Variants in PHKA1 observed in about 807,000 individuals in gnomAD.
PHKA1 encodes phosphorylase kinase regulatory subunit alpha 1, also known as phosphorylase b kinase regulatory subunit alpha, skeletal muscle isoform.
In PHKA1, 60 loss-of-function variants were observed where a neutral mutation model predicts 110.2. The observed-to-expected ratio is 0.54, with a 90% CI of 0.44 to 0.68. PHKA1 has a LOEUF of 0.68. Ranked by LOEUF, PHKA1 falls within the 30% of genes least tolerant of loss-of-function variation. The pLI is 0.00. For synonymous variants in PHKA1, 316 were observed against 333.6 expected, an observed-to-expected ratio of 0.95 and a Z score of 0.58; for missense variants, 801 against 942.5, an observed-to-expected ratio of 0.85 and a Z score of 1.97.
intron 8 of PHKA1, among the ~76,000 whole-genome samples, chrX:72,664,549 C>T (rs59006689): frequency 0.089 from 9,885 of 110,663 alleles, 986 homozygotes; most frequent in East Asian, 0.67. Flanking sequence ...AAAGAAATAC[C>T]AGATTTAAAC....
chrX:72,714,155 C>A lies in PHKA1; in HGVS notation c.-275G>T. 1 of 373,709 alleles carries A rather than the reference C, an allele frequency of 2.7e-6. No individual in the cohort carries two copies. The highest frequency in any genetic ancestry group is 3.7e-5 in the South Asian group (1 of 26,965). The allele number at this position is 373,709 out of a possible 1,213,427, so 30.8% of individuals were successfully genotyped here. On this transcript the variant is annotated 5_prime_UTR_variant, in exon 1 of 32. Coordinates refer to ENST00000373542, the MANE Select transcript of PHKA1 (RefSeq NM_002637.4). The stretch of plus-strand genomic sequence containing the variant: ...CAGCGCCCCAGGCGCCGCTCCTGCC[C>A]CCTTAGTCCAGTCCGGCCTCCGCGT...
intron 28 of PHKA1, among the ~76,000 whole-genome samples, chrX:72,597,848 G>A (rs782449327): frequency 9.0e-6 from 1 of 111,029 alleles, no homozygotes; most frequent in East Asian, 2.8e-4. Context: ...GGGTGATCTT[G>A]GGGATCCCTC....
intron 18 of PHKA1, chrX:72,621,604 G>A (rs1556277877): frequency 7.3e-6 from 1 of 136,341 alleles, no homozygotes; most frequent in African/African-American, 3.2e-5. Flanking sequence ...CGATACCAAA[G>A]TCTGCTGTAT....
intron 6 of PHKA1, among the ~76,000 whole-genome samples, chrX:72,671,246 T>C (rs2053692162): frequency 8.9e-6 from 1 of 111,794 alleles, no homozygotes; most frequent in South Asian, 3.8e-4. Context: ...AGTCTCAGGA[T>C]AGAAAATCAA....
intron 14 of PHKA1, among the ~76,000 whole-genome samples, chrX:72,641,013 CAT>C (rs1365449879): frequency 9.0e-6 from 1 of 110,631 alleles, no homozygotes; most frequent in East Asian, 2.8e-4. Flanking sequence ...ATTGTAGACA[CAT>C]AGTTTCAAAA....
chrX:72,682,239 G>A (rs2053900605), intron 5 of PHKA1, among the ~76,000 whole-genome samples: 1 of 91,740 alleles, frequency 1.1e-5, no homozygotes, highest in Admixed American at 1.1e-4. Flanking sequence ...GAGGGAGGTT[G>A]GGGGGTCAGC....
chrX:72,676,797 T>C (rs1338097800), intron 5 of PHKA1, among the ~76,000 whole-genome samples: 2 of 112,126 alleles, frequency 1.8e-5, no homozygotes, highest in East Asian at 5.6e-4. Flanking sequence ...ACTTTTTATT[T>C]TGGAATAACT....
chrX:72,585,591 G>A (rs1337735054), intron 29 of PHKA1, among the ~76,000 whole-genome samples: 1 of 111,746 alleles, frequency 8.9e-6, no homozygotes, highest in Non-Finnish European at 1.9e-5. Flanking sequence ...TGCAGCCCAC[G>A]GAGGGCAAGC....
chrX:72,712,906 T>C lies in PHKA1; in HGVS notation c.110A>G (p.Tyr37Cys), dbSNP rs2054404615. Residue 37 changes from tyrosine (Y) to cysteine (C), a missense_variant, in exon 2 of 32, where the codon TAT becomes TGT. By Grantham distance (194) the Tyr-to-Cys change is radical. Around this residue, in one of 2 missense-constraint regions of PHKA1, gnomAD observed 299 missense variants for 423.3 expected, o/e 0.71. Coordinates refer to ENST00000373542, the MANE Select transcript of PHKA1 (RefSeq NM_002637.4). ...TCGGACCCAAGCATCTTTCTGATCA[T>C]AGCTGGCTGGAAGCAAGCCAGTCAC... ...NPVTGLLPASYDQKDAWVRDN... is the reference protein window; with the variant it reads ...NPVTGLLPASCDQKDAWVRDN... The C allele has an allele frequency of 2.5e-6, 3 of 1,211,574 alleles. No individual in the cohort carries two copies. The highest frequency in any genetic ancestry group is 1.7e-5 in the African/African-American group (1 of 57,802).
chrX:72,616,526 G>C (rs1348883000), intron 21 of PHKA1, among the ~76,000 whole-genome samples: 1 of 111,606 alleles, frequency 9.0e-6, no homozygotes, highest in Non-Finnish European at 1.9e-5. Context: ...CATACCTAAA[G>C]GAAGAGATAG....
chrX:72,698,799 T>C (rs1200551290), intron 3 of PHKA1, among the ~76,000 whole-genome samples: 1 of 112,512 alleles, frequency 8.9e-6, no homozygotes, highest in African/African-American at 3.2e-5. Context: ...AAAGTTAGTT[T>C]GGCCTATGCC....
intron 22 of PHKA1, among the ~76,000 whole-genome samples, chrX:72,610,229 G>A (rs1556258287): frequency 1.8e-5 from 2 of 110,261 alleles, no homozygotes; most frequent in Non-Finnish European, 3.8e-5. Flanking sequence ...CTTCAATCTA[G>A]TTGTATTTTC....
intron 6 of PHKA1, among the ~76,000 whole-genome samples, chrX:72,671,144 T>C (rs1556308899): frequency 9.0e-6 from 1 of 111,202 alleles, no homozygotes; most frequent in African/African-American, 3.3e-5. Context: ...GGAAGTCAAA[T>C]TGTCCCTGTT....
chrX:72,605,042 G>GA, intron 25 of PHKA1, among the ~76,000 whole-genome samples: 1 of 111,785 alleles, frequency 8.9e-6, no homozygotes, highest in Non-Finnish European at 1.9e-5. Flanking sequence ...GATTTGGAGT[G>GA]AAGAGCCCAC....
At chrX:72,661,854 T>C (rs1452471102) in intron 8 of PHKA1, among the ~76,000 whole-genome samples, 1 of 109,801 alleles carries the variant, frequency 9.1e-6, no homozygotes, top group Non-Finnish European at 1.9e-5. Flanking sequence ...ACAACTAAAA[T>C]TCAAGTGGAG....
At chrX:72,684,190 T>A (rs1385368565) in intron 5 of PHKA1, among the ~76,000 whole-genome samples, 1 of 112,038 alleles carries the variant, frequency 8.9e-6, no homozygotes, top group Non-Finnish European at 1.9e-5. Flanking sequence ...TATCTTGCTC[T>A]TAAGAACTTA....
At chrX:72,598,799 G>T (rs1336425258) in intron 28 of PHKA1, among the ~76,000 whole-genome samples, 1 of 111,556 alleles carries the variant, frequency 9.0e-6, no homozygotes, top group Non-Finnish European at 1.9e-5. Context: ...TAAGATAGAA[G>T]ATAATAGAAA....
At chrX:72,669,835 A>T (rs781833365) in intron 6 of PHKA1, among the ~76,000 whole-genome samples, 1 of 110,731 alleles carries the variant, frequency 9.0e-6, no homozygotes, top group Non-Finnish European at 1.9e-5. Flanking sequence ...GTGCGGCTAT[A>T]AACATACGGG....
chrX:72,656,320 G>T (rs2053496986), intron 9 of PHKA1, 78 bp from the exon 10 acceptor site: 1 of 1,036,331 alleles, frequency 9.6e-7, no homozygotes, highest in Non-Finnish European at 1.3e-6. Flanking sequence ...TATAATACGG[G>T]TTTTCATTAC....
Sources: allele counts gnomAD v4.1 joint callset (sites outside exome capture counted in the v4.1 genomes callset), GRCh38; gene constraint gnomAD v4.1.1; regional missense constraint gnomAD v4.1.1; transcripts MANE v1.5; gene names NCBI Gene and HGNC (gene_info 2026-07-23, HGNC 2026-07-21).